Variants in UBA2 observed in about 807,000 individuals in gnomAD.
UBA2 encodes the protein ubiquitin like modifier activating enzyme 2.
A neutral mutation model predicts 77.2 loss-of-function variants in UBA2; 11 were observed. The ratio of observed to expected loss-of-function variants is 0.14; its 90% CI spans 0.09 to 0.24. UBA2 has a LOEUF of 0.24. Among genes scored for constraint, UBA2 ranks in the 10% least tolerant of loss-of-function variants. The pLI, the probability that UBA2 is intolerant of heterozygous loss-of-function variation, is 1.00. For synonymous variants in UBA2, 278 were observed against 276.7 expected (o/e 1.00, Z -0.05); for missense variants, 487 against 781.7 (o/e 0.62, Z 4.50).
At chr19:34,437,704 A>G (rs2075324818) in intron 5 of UBA2, among the ~76,000 whole-genome samples, 2 of 152,210 alleles carry the variant, frequency 1.3e-5, no homozygotes, top group Admixed American at 1.3e-4. Context: ...CTCAGGTGTC[A>G]TGTACTTCTT....
At position 34,433,333 on chromosome 19, in the gene UBA2, T is replaced by TA; in HGVS notation, c.294-14dup. 6.2e-7 allele frequency: 1 copy of TA among 1,601,266 alleles called. No homozygotes were observed. The highest frequency in any genetic ancestry group is 8.5e-7 in the Non-Finnish European group (1 of 1,171,144). Reference sequence around the variant, plus strand: ...GCTAGTTATTTTGGTGACCTTTTTTTATTTTGTTTTGTAGCCCTGACTATA... The same window carrying TA: ...GCTAGTTATTTTGGTGACCTTTTTTTAATTTTGTTTTGTAGCCCTGACTATA... On this transcript the variant is annotated splice_polypyrimidine_tract_variant and intron_variant, in intron 3 of 16. Transcript: ENST00000246548.
intron 4 of UBA2, among the ~76,000 whole-genome samples, chr19:34,434,387 A>C (rs2075287684): frequency 6.6e-6 from 1 of 152,198 alleles, no homozygotes; most frequent in South Asian, 2.1e-4. Context: ...GAATGCTGAG[A>C]TTATGGGCAT....
At position 34,434,912 on chromosome 19, in the gene UBA2, C is replaced by A; in HGVS notation, c.403C>A (p.Pro135Thr). 6.2e-7 allele frequency: 1 copy of A among 1,609,574 alleles called. No individual in the cohort carries two copies. The highest frequency in any genetic ancestry group is 1.1e-5 in the South Asian group (1 of 90,184). ...VNRMCLAADVPLIESGTAGYL... is the reference protein window; with the variant it reads ...VNRMCLAADVTLIESGTAGYL... ...TAGAATGTGCCTGGCAGCTGATGTT[C>A]CTCTTATTGAAAGTGGAACAGCTGG... is the stretch of plus-strand genomic sequence containing the variant. Residue 135 changes from proline to threonine, a missense_variant, in exon 5 of 17, where the codon CCT (proline) becomes ACT (threonine). By Grantham distance (38) the Pro-to-Thr change is conservative (BLOSUM62 -1). Around this residue, in one of 9 missense-constraint regions of UBA2, gnomAD observed 66 missense variants for 112.0 expected, o/e 0.59. Coordinates refer to ENST00000246548, the MANE Select transcript of UBA2 (RefSeq NM_005499.3).
intron 8 of UBA2, among the ~76,000 whole-genome samples, chr19:34,445,964 G>T (rs185037315): frequency 1.3e-5 from 2 of 152,198 alleles, no homozygotes; most frequent in African/African-American, 4.8e-5. Context: ...TGTTTTAAAA[G>T]TTTTTTTGTT....
At chr19:34,452,917 T>C (rs2075517680) in intron 10 of UBA2, among the ~76,000 whole-genome samples, 1 of 152,236 alleles carries the variant, frequency 6.6e-6, no homozygotes, top group Admixed American at 6.5e-5. Flanking sequence ...CATTAGTCTC[T>C]TGGGTTTTGT....
intron 3 of UBA2, 62 bp downstream of exon 3, chr19:34,431,993 T>C (rs1320855000): frequency 8.4e-7 from 1 of 1,189,412 alleles, no homozygotes; most frequent in Non-Finnish European, 1.2e-6. Context: ...ATATATAAGC[T>C]CAAAGTCATT....
rs2075617560 is a variant in UBA2 at position 34,460,367 on chromosome 19, A to G, written c.1402-103A>G. On this transcript the variant is annotated intron_variant, in intron 13 of 16. Transcript: ENST00000246548. ...TGAAGAGTGACTTCGCCGGTTTCCAATAAATAGAAGGGGAAAGTAAGAGCC... is the reference window on the plus strand; with the variant it reads ...TGAAGAGTGACTTCGCCGGTTTCCAGTAAATAGAAGGGGAAAGTAAGAGCC... The G allele has an allele frequency of 5.0e-6, 4 of 800,852 alleles. No homozygotes were observed. The South Asian group carries it at 5.6e-5, about 11-fold the overall frequency. The allele number at this position is 800,852 out of a possible 1,614,324, so 49.6% of individuals were successfully genotyped here.
chr19:34,459,468 GTA>G (rs2075607515), intron 13 of UBA2, among the ~76,000 whole-genome samples: 2 of 152,098 alleles, frequency 1.3e-5, no homozygotes, highest in African/African-American at 2.4e-5. Context: ...CTAAGTGGTG[GTA>G]CACACTTATC....
At chr19:34,445,608 T>C (rs1352876344) in intron 8 of UBA2, among the ~76,000 whole-genome samples, 1 of 152,090 alleles carries the variant, frequency 6.6e-6, no homozygotes, top group African/African-American at 2.4e-5. Context: ...CTGGCTAATT[T>C]TGTATTTTTA....
intron 6 of UBA2, among the ~76,000 whole-genome samples, chr19:34,442,715 GCCA>G (rs1451041253): frequency 6.6e-6 from 1 of 152,186 alleles, no homozygotes; most frequent in Non-Finnish European, 1.5e-5. Flanking sequence ...ACACATGTGA[GCCA>G]CCACGCCCAG....
chr19:34,430,725 C>G, intron 2 of UBA2, 66 bp downstream of exon 2: 1 of 1,307,192 alleles, frequency 7.6e-7, no homozygotes, highest in Non-Finnish European at 1.1e-6. Flanking sequence ...CCAGATTAAT[C>G]CTGCCTGTCA....
intron 8 of UBA2, among the ~76,000 whole-genome samples, chr19:34,445,499 G>T (rs1233789226): frequency 6.8e-6 from 1 of 146,358 alleles, no homozygotes; most frequent in African/African-American, 2.5e-5. Flanking sequence ...GAGTGCAGTG[G>T]CACGATCTCG....
At chr19:34,453,955 G>T (rs1337875681) in intron 10 of UBA2, among the ~76,000 whole-genome samples, 1 of 152,106 alleles carries the variant, frequency 6.6e-6, no homozygotes, top group African/African-American at 2.4e-5. Context: ...TGAGATTCCG[G>T]TGTATACAAC....
chr19:34,429,126 A>C, intron 1 of UBA2: 1 of 983,258 alleles, frequency 1.0e-6, no homozygotes. Flanking sequence ...AGATGAGGAA[A>C]GGGAGACGCA....
intron 15 of UBA2, among the ~76,000 whole-genome samples, chr19:34,464,673 T>C (rs1214109590): frequency 2.0e-5 from 3 of 152,188 alleles, no homozygotes; most frequent in Non-Finnish European, 4.4e-5. Context: ...TTGAACAGTT[T>C]AAACAGAGGC....
Position 34,435,055 on chromosome 19 carries a change from A to G in UBA2, c.459+87A>G, listed in dbSNP as rs2075293900. 4 of 976,414 alleles carry G rather than the reference A, an allele frequency of 4.1e-6. No individual in the cohort carries two copies. In the South Asian group the frequency reaches 4.5e-5, roughly 11 times the overall value. 60.5% of individuals were successfully genotyped at this position (976,414 alleles called of 1,614,324 possible). A position where few individuals can be genotyped will look rare whatever the true frequency, so the allele number is the denominator to read the frequency against. On this transcript the variant is annotated intron_variant, in intron 5 of 16. Transcript: ENST00000246548. The stretch of plus-strand genomic sequence containing the variant: ...GAAATAAACTTTGTATTTATATAAA[A>G]TGAACAGGTGAACATCCAAAATGTA...
intron 14 of UBA2, among the ~76,000 whole-genome samples, chr19:34,461,094 A>G (rs1170984571): frequency 2.6e-5 from 4 of 152,226 alleles, no homozygotes; most frequent in African/African-American, 9.6e-5. Context: ...TAAGGATTGC[A>G]TCGTAGTTAT....
In UBA2 at chr19:34,432,850, C is replaced by T. The variant is rs531644910; in HGVS notation, c.294-498C>T. ...GATTACAGGCGTGAGCCACTGCACC[C>T]GGCCTGTATCTCCGGCTTGTTTTTT... On this transcript the variant is annotated intron_variant, in intron 3 of 16. Transcript: ENST00000246548. Among the ~76,000 whole-genome samples the T allele has an allele frequency of 2.2e-4, 34 of 151,968 alleles. No individual in the cohort carries two copies. The Middle Eastern group carries it at 0.01, about 46-fold the overall frequency.
At chr19:34,431,525 G>A (rs2075255492) in intron 2 of UBA2, among the ~76,000 whole-genome samples, 2 of 151,878 alleles carry the variant, frequency 1.3e-5, no homozygotes, top group Admixed American at 6.6e-5. Context: ...ATAGTTCCTG[G>A]TACATGCAAG....
Sources: gnomAD v4.1 joint callset for allele counts (sites outside exome capture counted in the v4.1 genomes callset) on GRCh38, gnomAD v4.1.1 for gene constraint, gnomAD v4.1.1 regional missense constraint, MANE v1.5 for transcripts, NCBI Gene and HGNC (gene_info 2026-07-23, HGNC 2026-07-21) for gene names.